Variants in TP63 observed in about 807,000 individuals in gnomAD.
TP63 encodes the protein tumor protein p63.
A neutral mutation model predicts 82.8 loss-of-function variants in TP63; 17 were observed. The ratio of observed to expected loss-of-function variants is 0.21; its 90% CI spans 0.14 to 0.31. The LOEUF is 0.31. Ranked by LOEUF, TP63 falls within the 10% of genes least tolerant of loss-of-function variation. TP63 has a pLI of 1.00. For missense variants in TP63, 648 were observed against 895.3 expected (o/e 0.72, Z 3.52); for synonymous variants, 330 against 321.7 (o/e 1.03, Z -0.28).
chr3:189,710,661 T>A (rs1718526689), intron 1 of TP63, among the ~76,000 whole-genome samples: 1 of 152,126 alleles, frequency 6.6e-6, no homozygotes, highest in Non-Finnish European at 1.5e-5. Flanking sequence ...ACATAGTTAT[T>A]TATGTGCTTA....
intron 1 of TP63, among the ~76,000 whole-genome samples, chr3:189,699,803 A>G (rs146117240): frequency 5.2e-4 from 79 of 151,140 alleles, no homozygotes; most frequent in Middle Eastern, 3.4e-3. Flanking sequence ...GTTCTCAAAG[A>G]AAAAAAGGAA....
Position 189,894,702 on chromosome 3 carries a change from A to C in TP63, c.*200A>C. 2 of 666,820 alleles carry C rather than the reference A, an allele frequency of 3.0e-6. No homozygotes were observed. Among genetic ancestry groups the C allele is most frequent in the Non-Finnish European group, 5.0e-6 (2 of 400,720 alleles). The allele number at this position is 666,820 out of a possible 1,614,324, so 41.3% of individuals were successfully genotyped here. A position where few individuals can be genotyped will look rare whatever the true frequency, so the allele number is the denominator to read the frequency against. ...CTGATTCTGGCTTTAAGCCTTCAAA[A>C]CTATAGCTTGCAGAACTGTAGCTGC... On this transcript the variant is annotated 3_prime_UTR_variant, in exon 14 of 14. Transcript: ENST00000264731.
intron 3 of TP63, among the ~76,000 whole-genome samples, chr3:189,764,603 A>T (rs73055284): frequency 8.5e-4 from 130 of 152,308 alleles, no homozygotes; most frequent in African/African-American, 3.1e-3. Flanking sequence ...TGTAAGCTTA[A>T]TTCTAGTCTC....
At chr3:189,617,870 A>G in the TP63 span, among the ~76,000 whole-genome samples, 1 of 152,226 alleles carries the variant, frequency 6.6e-6, no homozygotes, top group Non-Finnish European at 1.5e-5. Context: ...GTGGGTCTTC[A>G]AACACAGTAA....
chr3:189,869,477 A>G (rs1212226739), intron 9 of TP63, 71 bp downstream of exon 9: 3 of 1,368,262 alleles, frequency 2.2e-6, no homozygotes, highest in South Asian at 2.4e-5. Flanking sequence ...CAGTATGATC[A>G]TCATCTCATT....
intron 3 of TP63, among the ~76,000 whole-genome samples, chr3:189,762,473 G>A (rs763960258): frequency 1.3e-5 from 2 of 152,110 alleles, no homozygotes; most frequent in Non-Finnish European, 2.9e-5. Flanking sequence ...TGACAGAGAA[G>A]AAATTTCTAG....
Position 189,649,430 on chromosome 3 carries a change from C to T in TP63, c.62+17853C>T, listed in dbSNP as rs753246942. Among the ~76,000 whole-genome samples the T allele has an allele frequency of 2.1e-5, 3 of 146,168 alleles. 1 individual carries two copies. The South Asian group carries it at 6.8e-4, about 33-fold the overall frequency. ...AAGTGGAAACTAAATGATGAGAACG[C>T]GTGGACACAGAAATGGAAACAACAG... On this transcript the variant is annotated intron_variant, in intron 1 of 13. Transcript: ENST00000264731.
At chr3:189,756,416 T>C (rs1358148868) in intron 3 of TP63, among the ~76,000 whole-genome samples, 4 of 152,194 alleles carry the variant, frequency 2.6e-5, no homozygotes, top group African/African-American at 9.6e-5. Context: ...TTGTACAGTA[T>C]AGCCAATGGG....
In TP63 at chr3:189,894,665, T is replaced by C. The variant is rs1449294862; in HGVS notation, c.*163T>C. Reference sequence around the variant, plus strand: ...GCTACCTCTTACCTAACATCTGACCTGGCATCTAATTCTGATTCTGGCTTT... The same window carrying C: ...GCTACCTCTTACCTAACATCTGACCCGGCATCTAATTCTGATTCTGGCTTT... On this transcript the variant is annotated 3_prime_UTR_variant, in exon 14 of 14. Transcript: ENST00000264731. The C allele has an allele frequency of 7.5e-6, 6 of 804,836 alleles. No individual in the cohort carries two copies. Among genetic ancestry groups the C allele is most frequent in the Non-Finnish European group, 1.2e-5 (6 of 515,396 alleles). 49.9% of individuals were successfully genotyped at this position (804,836 alleles called of 1,614,324 possible).
chr3:189,697,711 A>G (rs1342090523), intron 1 of TP63, among the ~76,000 whole-genome samples: 1 of 152,022 alleles, frequency 6.6e-6, no homozygotes, highest in African/African-American at 2.4e-5. Flanking sequence ...ATTTATTTAG[A>G]TCTTGCTTGA....
At chr3:189,779,885 A>T (rs559009847) in intron 3 of TP63, among the ~76,000 whole-genome samples, 15 of 152,352 alleles carry the variant, frequency 9.8e-5, no homozygotes, top group Non-Finnish European at 1.3e-4. Flanking sequence ...TCCAAGCTGC[A>T]GGAAATATAG....
intron 4 of TP63, among the ~76,000 whole-genome samples, chr3:189,819,858 T>A (rs1728617403): frequency 7.0e-6 from 1 of 142,474 alleles, no homozygotes; most frequent in Non-Finnish European, 1.5e-5. Flanking sequence ...TTCAAGCAAC[T>A]CTCTGCCTCA....
chr3:189,641,132 C>T (rs1277198938), intron 1 of TP63, among the ~76,000 whole-genome samples: 2 of 152,052 alleles, frequency 1.3e-5, no homozygotes, highest in Admixed American at 6.6e-5. Context: ...TCATTGTAAA[C>T]TTAGTAGTTG....
At chr3:189,630,528 TAAGAC>T (rs2108599904), upstream of TP63, among the ~76,000 whole-genome samples, 2 of 152,250 alleles carry the variant, frequency 1.3e-5, no homozygotes, top group African/African-American at 4.8e-5. Flanking sequence ...GCAAAAACTG[TAAGAC>T]ATAAAGAATA....
intron 4 of TP63, among the ~76,000 whole-genome samples, chr3:189,813,151 A>G (rs898631455): frequency 2.0e-5 from 3 of 152,182 alleles, no homozygotes; most frequent in Non-Finnish European, 2.9e-5. Context: ...CATGATGGGA[A>G]TGCCTTTTTG....
chr3:189,626,903 C>A (rs978169466), upstream of TP63, among the ~76,000 whole-genome samples: 2 of 145,516 alleles, frequency 1.4e-5, no homozygotes, highest in Non-Finnish European at 3.0e-5. Flanking sequence ...TTTCATATTT[C>A]TTTTCATACA....
At chr3:189,601,246 T>G in the TP63 span, among the ~76,000 whole-genome samples, 1 of 152,130 alleles carries the variant, frequency 6.6e-6, no homozygotes, top group East Asian at 1.9e-4. Context: ...AGAGGGAACT[T>G]TAAAGCTTCT....
intron 3 of TP63, among the ~76,000 whole-genome samples, chr3:189,777,948 C>T (rs1267027896): frequency 2.7e-5 from 4 of 147,156 alleles, no homozygotes; most frequent in Admixed American, 6.9e-5. Context: ...TTCCGTCTTC[C>T]GGGTTCAAGT....
At chr3:189,618,958 G>A in the TP63 span, among the ~76,000 whole-genome samples, 1 of 152,040 alleles carries the variant, frequency 6.6e-6, no homozygotes, top group African/African-American at 2.4e-5. Flanking sequence ...TATGCACGGT[G>A]GTTCTTAACA....
Sources: gnomAD v4.1 joint callset for allele counts (sites outside exome capture counted in the v4.1 genomes callset) on GRCh38, gnomAD v4.1.1 for gene constraint, MANE v1.5 for transcripts, NCBI Gene and HGNC (gene_info 2026-07-23, HGNC 2026-07-21) for gene names.